Variants in ST14 observed in about 807,000 individuals in gnomAD.
ST14 encodes the protein ST14 transmembrane serine protease matriptase, also known as suppressor of tumorigenicity 14 protein.
In ST14, 40 loss-of-function variants were observed where a neutral mutation model predicts 96.5. That is an observed-to-expected ratio of 0.41 (90% CI 0.32 to 0.54). The LOEUF is 0.54. Among genes scored for constraint, ST14 ranks in the 20% least tolerant of loss-of-function variants. The pLI is 0.17. For missense variants in ST14, 1,066 were observed against 1,188.9 expected (o/e 0.90, Z 1.52); for synonymous variants, 506 against 492.1 (o/e 1.03, Z -0.37).
At position 130,184,357 on chromosome 11, in the gene ST14, C is replaced by T. The variant is rs916915319; in HGVS notation, c.82-3757C>T. 3.9e-5 allele frequency among the ~76,000 whole-genome samples: 6 copies of T among 152,266 alleles called. 1 individual carries two copies. Among genetic ancestry groups the T allele is most frequent in the Admixed American group, 2.6e-4 (4 of 15,310 alleles). ...AAAGTAGAACCAAACGCTGAAGAAA[C>T]GCAAAATACGGGAGAGAAAAGATGA... is the stretch of plus-strand genomic sequence containing the variant. On this transcript the variant is annotated intron_variant, in intron 1 of 18. Transcript: ENST00000278742.
intron 1 of ST14, among the ~76,000 whole-genome samples, chr11:130,169,248 C>T (rs1342297774): frequency 6.6e-6 from 1 of 151,956 alleles, no homozygotes; most frequent in African/African-American, 2.4e-5. Context: ...GTGTGTGCCA[C>T]CACACCCAGC....
chr11:130,204,831 A>G (rs1303013924), intron 16 of ST14, among the ~76,000 whole-genome samples: 1 of 151,998 alleles, frequency 6.6e-6, no homozygotes, highest in Non-Finnish European at 1.5e-5. Flanking sequence ...AAGAAAGGCC[A>G]GAAGGTGATG....
chr11:130,204,288 G>A (rs1190454535), intron 16 of ST14, among the ~76,000 whole-genome samples: 3 of 152,222 alleles, frequency 2.0e-5, no homozygotes, highest in African/African-American at 4.8e-5. Flanking sequence ...AGGTCAGGTC[G>A]ATTAACAGTG....
chr11:130,178,218 G>A (rs377394943), intron 1 of ST14, among the ~76,000 whole-genome samples: 2 of 152,228 alleles, frequency 1.3e-5, no homozygotes, highest in African/African-American at 4.8e-5. Context: ...TCCAGGAAGA[G>A]CCACGAAGAT....
At chr11:130,167,901 G>T (rs1009559978) in intron 1 of ST14, among the ~76,000 whole-genome samples, 1 of 152,192 alleles carries the variant, frequency 6.6e-6, no homozygotes, top group South Asian at 2.1e-4. Context: ...TTTTAGTAGA[G>T]ATGGCGGTTT....
At chr11:130,160,138 G>C in intron 1 of ST14, 78 bp downstream of exon 1, 1 of 1,035,672 alleles carries the variant, frequency 9.7e-7, no homozygotes, top group Non-Finnish European at 1.3e-6. Flanking sequence ...GGGCTCGGCC[G>C]GCTCCCCTGG....
chr11:130,193,564 G>A (rs935007900), intron 7 of ST14, among the ~76,000 whole-genome samples: 3 of 151,894 alleles, frequency 2.0e-5, no homozygotes, highest in East Asian at 3.9e-4. Flanking sequence ...CCGCCTCCCG[G>A]GTTCCGGTGA....
rs751195663 is a variant in ST14, at chr11:130,190,157, C to A, written c.634+9C>A. ...ACAGAGGACCCAGGACAGTAAGTATCGTGCCCGCCTCCTCTTCTGGGTGGG... is the reference window on the plus strand; with the variant it reads ...ACAGAGGACCCAGGACAGTAAGTATAGTGCCCGCCTCCTCTTCTGGGTGGG... On this transcript the variant is annotated intron_variant, in intron 6 of 18. Coordinates refer to ENST00000278742, the MANE Select transcript of ST14 (RefSeq NM_021978.4). 1 of 1,614,208 alleles carries A rather than the reference C, an allele frequency of 6.2e-7. No homozygotes were observed. Among genetic ancestry groups the A allele is most frequent in the Non-Finnish European group, 8.5e-7 (1 of 1,180,028 alleles).
intron 1 of ST14, among the ~76,000 whole-genome samples, chr11:130,169,287 G>T (rs1157591099): frequency 1.3e-5 from 2 of 152,054 alleles, no homozygotes; most frequent in Admixed American, 6.5e-5. Flanking sequence ...TAGAGACAGG[G>T]TTTCGCCATG....
At chr11:130,194,018 CT>C (rs1953332486) in intron 7 of ST14, 130 bp from the exon 8 acceptor site, 1 of 1,174,664 alleles carries the variant, frequency 8.5e-7, no homozygotes. Context: ...TGACTCCATT[CT>C]TGGCCTCTGT....
In ST14 at chr11:130,198,941, G is replaced by T; in HGVS notation, c.1685-6G>T. The T allele has an allele frequency of 6.2e-7, 1 of 1,613,928 alleles. No individual in the cohort carries two copies. ...GAGCCCCTCCCTTGTCCTCCTCCTT[G>T]AACAGTGAACGTCGTCACTTGTACC... On this transcript the variant is annotated splice_polypyrimidine_tract_variant and splice_region_variant and intron_variant, in intron 14 of 18. Transcript: ENST00000278742.
At position 130,181,144 on chromosome 11, in the gene ST14, T is replaced by A. The variant is rs1953188388; in HGVS notation, c.82-6970T>A. ...TCCCTGCTGGGTGGGATGGCGGTGG[T>A]CCCTGCTGGGTGGGATGGTGGTGAT... On this transcript the variant is annotated intron_variant, in intron 1 of 18. Coordinates refer to ENST00000278742, the MANE Select transcript of ST14 (RefSeq NM_021978.4). This position sits in a 1 kb window ranked among gnomAD's most constrained non-coding sequence, Gnocchi z 4.1. Among the ~76,000 whole-genome samples the A allele has an allele frequency of 6.6e-6, 1 of 151,440 alleles. No homozygotes were observed. The highest frequency in any genetic ancestry group is 2.1e-4 in the South Asian group (1 of 4,776).
chr11:130,179,195 G>T (rs995971062), intron 1 of ST14, among the ~76,000 whole-genome samples: 2 of 152,226 alleles, frequency 1.3e-5, no homozygotes, highest in African/African-American at 2.4e-5. Flanking sequence ...CCGAGGCCCT[G>T]CTCCTGATGC....
chr11:130,203,351 C>T (rs1332788359), intron 16 of ST14, among the ~76,000 whole-genome samples: 1 of 152,222 alleles, frequency 6.6e-6, no homozygotes, highest in Non-Finnish European at 1.5e-5. Flanking sequence ...TCTGCACTGC[C>T]ACCACCTTGC....
chr11:130,177,121 C>G (rs1333713537), intron 1 of ST14, among the ~76,000 whole-genome samples: 3 of 151,758 alleles, frequency 2.0e-5, no homozygotes. Flanking sequence ...TTAGGGTCCT[C>G]AAGTCTGACT....
intron 7 of ST14, among the ~76,000 whole-genome samples, chr11:130,193,525 G>A (rs992061323): frequency 1.9e-4 from 29 of 151,148 alleles, no homozygotes; most frequent in African/African-American, 4.9e-4. Flanking sequence ...GCTGGAGTGC[G>A]GTGGTGCGAT....
At chr11:130,199,915 G>T in intron 15 of ST14, 36 bp from the exon 16 acceptor site, 1 of 1,613,536 alleles carries the variant, frequency 6.2e-7, no homozygotes, top group South Asian at 1.1e-5. Flanking sequence ...TCCCCACCTT[G>T]ACTTGCTGTC....
In ST14 at chr11:130,190,593, C is replaced by T; in HGVS notation, c.774C>T (p.Leu258=). The part of the protein sequence containing the change: ...LRGDADSVLS[L]TFRSFDLASC... ...GGGACGCCGACTCAGTGCTGAGCCT[C>T]ACCTTCCGCAGCTTTGACCTTGCGT... Residue 258 remains leucine, a synonymous_variant, in exon 7 of 19, where the codon CTC becomes CTT. Transcript: ENST00000278742. 1 of 1,613,090 alleles carries T rather than the reference C, an allele frequency of 6.2e-7. No homozygotes were observed. The highest frequency in any genetic ancestry group is 1.3e-5 in the African/African-American group (1 of 75,066).
chr11:130,194,160 C>T lies in ST14; in HGVS notation c.887C>T (p.Thr296Ile). The T allele has an allele frequency of 6.2e-7, 1 of 1,614,186 alleles. No individual in the cohort carries two copies. The highest frequency in any genetic ancestry group is 8.5e-7 in the Non-Finnish European group (1 of 1,180,038). ...EPHALVQLCG[T>I]YPPSYNLTFH... is the part of the protein sequence containing the mutation. ...CTCTGCCCCCACAGGTTGTGTGGCA[C>T]CTACCCTCCCTCCTACAACCTGACC... Residue 296 changes from threonine to isoleucine, a missense_variant, in exon 8 of 19, where the codon ACC (threonine) becomes ATC (isoleucine). Transcript: ENST00000278742.
Sources: gnomAD v4.1 joint callset for allele counts (sites outside exome capture counted in the v4.1 genomes callset) on GRCh38, gnomAD v4.1.1 for gene constraint, Gnocchi (gnomAD v3.1) non-coding constraint, MANE v1.5 for transcripts, NCBI Gene and HGNC (gene_info 2026-07-23, HGNC 2026-07-21) for gene names.